Variants in PARD3B observed in about 807,000 individuals in gnomAD.
PARD3B encodes partitioning defective 3 homolog B.
In PARD3B, 103 loss-of-function variants were observed where a neutral mutation model predicts 130.2. That is an observed-to-expected ratio of 0.79 (90% confidence interval 0.67 to 0.93). The LOEUF (loss-of-function observed/expected upper bound fraction) is 0.93. Among genes scored for constraint, PARD3B ranks in the 40% least tolerant of loss-of-function variants. PARD3B has a pLI of 0.00. For synonymous variants in PARD3B, 583 were observed against 553.2 expected (o/e 1.05, Z -0.76); for missense variants, 1,609 against 1,499.2 (o/e 1.07, Z -1.21).
chr2:204,798,232 A>G (rs1008404664), intron 2 of PARD3B, among the ~76,000 whole-genome samples: 1 of 152,130 alleles, frequency 6.6e-6, no homozygotes, highest in Non-Finnish European at 1.5e-5. Context: ...GAGAATCTGT[A>G]TGCTTGAGGG....
chr2:204,677,310 C>T lies in PARD3B; in HGVS notation c.121-8871C>T, dbSNP rs759884702. On this transcript the variant is annotated intron_variant, in intron 1 of 22. Coordinates refer to ENST00000406610, the MANE Select transcript of PARD3B (RefSeq NM_001302769.2). This position sits in a 1 kb window ranked among gnomAD's most constrained non-coding sequence, Gnocchi z 4.1. ...GGTAGCATTGGCCTTATTCAGAGGA[C>T]GTATGTTCACTTCCATTGTGGTGTC... 3.3e-5 allele frequency among the ~76,000 whole-genome samples: 5 copies of T among 152,168 alleles called. No individual in the cohort carries two copies. The highest frequency in any genetic ancestry group is 3.8e-4 in the East Asian group (2 of 5,196).
chr2:204,998,412 A>G (rs62173518), intron 3 of PARD3B, among the ~76,000 whole-genome samples: 1 of 53,810 alleles, frequency 1.9e-5, no homozygotes, highest in African/African-American at 6.5e-5. Context: ...ATGTGTATAT[A>G]TATGTATATA....
At chr2:204,719,825 T>G (rs1260412510) in intron 2 of PARD3B, among the ~76,000 whole-genome samples, 3 of 152,178 alleles carry the variant, frequency 2.0e-5, no homozygotes, top group African/African-American at 7.2e-5. Context: ...TTATAGGAAA[T>G]AAATAATCAT....
intron 20 of PARD3B, among the ~76,000 whole-genome samples, chr2:205,475,539 T>G (rs2048995633): frequency 6.6e-6 from 1 of 152,172 alleles, no homozygotes; most frequent in South Asian, 2.1e-4. Flanking sequence ...TCACATTTTA[T>G]AGGATTTATG....
At chr2:204,774,199 A>G (rs2041513278) in intron 2 of PARD3B, among the ~76,000 whole-genome samples, 1 of 151,676 alleles carries the variant, frequency 6.6e-6, no homozygotes, top group Non-Finnish European at 1.5e-5. Context: ...TTCTGTATCT[A>G]TTATGCTGTT....
At chr2:204,766,151 T>G (rs1050304551) in intron 2 of PARD3B, among the ~76,000 whole-genome samples, 1 of 152,176 alleles carries the variant, frequency 6.6e-6, no homozygotes, top group Non-Finnish European at 1.5e-5. Flanking sequence ...CTTATAGTAT[T>G]GTTAGAACAG....
chr2:205,282,203 T>C (rs2041216545), intron 16 of PARD3B, among the ~76,000 whole-genome samples: 1 of 152,028 alleles, frequency 6.6e-6, no homozygotes, highest in African/African-American at 2.4e-5. Context: ...GAAGAGATGT[T>C]CCCCCCTTTC....
rs1224211645 is a variant in PARD3B at position 205,616,002 on chromosome 2, A to G, written c.*189A>G. 1.7e-6 allele frequency: 1 copy of G among 573,372 alleles called. No individual in the cohort carries two copies. The highest frequency in any genetic ancestry group is 3.5e-5 in the Admixed American group (1 of 28,334). 35.5% of individuals were successfully genotyped at this position (573,372 alleles called of 1,614,324 possible). On this transcript the variant is annotated 3_prime_UTR_variant, in exon 23 of 23. Transcript: ENST00000406610. ...AAGGGGAAGGGAATTGGGGAGGAAA[A>G]AAAATCAGAAGGAAGACGAAAGATG...
intron 2 of PARD3B, among the ~76,000 whole-genome samples, chr2:204,737,684 C>G (rs2039817817): frequency 6.6e-6 from 1 of 152,106 alleles, no homozygotes. Context: ...CCAACATTGT[C>G]TGCTAGAATT....
At chr2:205,147,002 C>T (rs2033414212) in intron 10 of PARD3B, among the ~76,000 whole-genome samples, 1 of 152,138 alleles carries the variant, frequency 6.6e-6, no homozygotes. Flanking sequence ...AAGCATGAGC[C>T]ACCGTGCCTG....
At chr2:205,012,743 G>T (rs1471685402) in intron 3 of PARD3B, among the ~76,000 whole-genome samples, 1 of 152,168 alleles carries the variant, frequency 6.6e-6, no homozygotes, top group Non-Finnish European at 1.5e-5. Flanking sequence ...TCAGTTTTCA[G>T]TGTTTAAACC....
intron 3 of PARD3B, among the ~76,000 whole-genome samples, chr2:205,000,421 GT>G (rs1416177792): frequency 1.3e-5 from 2 of 152,156 alleles, no homozygotes; most frequent in East Asian, 3.9e-4. Context: ...CTTAGTTCTG[GT>G]TTTTATTAGA....
chr2:204,723,153 A>G (rs2039072424), intron 2 of PARD3B, among the ~76,000 whole-genome samples: 2 of 152,188 alleles, frequency 1.3e-5, no homozygotes, highest in Non-Finnish European at 2.9e-5. Flanking sequence ...TTTCATGCCA[A>G]CACAAACTTT....
At chr2:205,090,171 G>A (rs921940768) in intron 4 of PARD3B, among the ~76,000 whole-genome samples, 1 of 152,220 alleles carries the variant, frequency 6.6e-6, no homozygotes, top group Non-Finnish European at 1.5e-5. Flanking sequence ...TTAAAAGTGT[G>A]AGGTTGCCTC....
rs1212451151 is a variant in PARD3B, at chr2:204,720,851, GA to G, written c.222+34572del. 7.2e-5 allele frequency among the ~76,000 whole-genome samples: 11 copies of G among 152,166 alleles called. No homozygotes were observed. In the East Asian group the frequency reaches 1.9e-3, roughly 27 times the overall value. ...TTCAGCTGAAGGTAGTTTGGGGGTG[GA>G]AACCAAGCATCTTGCGCTCAGATGT... On this transcript the variant is annotated intron_variant, in intron 2 of 22. Transcript: ENST00000406610.
rs150342760 is a variant in PARD3B, at chr2:205,001,965, T to C, written c.394+36642T>C. The stretch of plus-strand genomic sequence containing the variant: ...GAAGTAGAAATACACTGAAATTTAA[T>C]TGGGCTCCTTTATGGATTAAATTTA... On this transcript the variant is annotated intron_variant, in intron 3 of 22. Transcript: ENST00000406610. 1.7e-3 allele frequency among the ~76,000 whole-genome samples: 263 copies of C among 152,344 alleles called. 1 individual carries two copies. Among genetic ancestry groups the C allele is most frequent in the African/African-American group, 6.1e-3 (253 of 41,588 alleles).
chr2:204,955,375 A>T (rs1690146311), intron 2 of PARD3B, among the ~76,000 whole-genome samples: 1 of 152,254 alleles, frequency 6.6e-6, no homozygotes, highest in Admixed American at 6.5e-5. Flanking sequence ...TTTTGCATTG[A>T]ACCTCAAGGA....
chr2:204,682,187 A>G (rs1008050283), intron 1 of PARD3B, among the ~76,000 whole-genome samples: 50 of 152,138 alleles, frequency 3.3e-4, no homozygotes, highest in African/African-American at 1.2e-3. Flanking sequence ...ACGTATGCTT[A>G]TGTAGGGATA....
chr2:205,097,247 C>A (rs1355041048), intron 4 of PARD3B, among the ~76,000 whole-genome samples: 1 of 151,986 alleles, frequency 6.6e-6, no homozygotes, highest in Non-Finnish European at 1.5e-5. Flanking sequence ...TTGTTGCTGT[C>A]ATTAAAAAAG....
Sources: gnomAD v4.1 joint callset for allele counts (sites outside exome capture counted in the v4.1 genomes callset) on GRCh38, gnomAD v4.1.1 for gene constraint, Gnocchi (gnomAD v3.1) non-coding constraint, MANE v1.5 for transcripts, NCBI Gene and HGNC (gene_info 2026-07-23, HGNC 2026-07-21) for gene names.